AKAP1: variants seen among roughly 807,000 people sequenced by gnomAD.
AKAP1 encodes A-kinase anchor protein 1, mitochondrial.
In AKAP1, 32 loss-of-function variants were observed where a neutral mutation model predicts 79.8. The observed-to-expected ratio is 0.40, with a 90% CI of 0.30 to 0.54. The LOEUF is 0.54. Ranked by LOEUF, AKAP1 falls within the 20% of genes least tolerant of loss-of-function variation. The pLI, the probability that AKAP1 is intolerant of heterozygous loss-of-function variation, is 0.47. For missense variants in AKAP1, 961 were observed against 1,138.9 expected, an observed-to-expected ratio of 0.84 and a Z score of 2.25; for synonymous variants, 416 against 466.7, an observed-to-expected ratio of 0.89 and a Z score of 1.40.
chr17:57,114,649 C>CTG lies in AKAP1; in HGVS notation c.2281+14_2281+15dup, dbSNP rs1284263196. 6.2e-7 allele frequency: 1 copy of CTG among 1,609,768 alleles called. No individual in the cohort carries two copies. The highest frequency in any genetic ancestry group is 1.3e-5 in the African/African-American group (1 of 74,824). Reference sequence around the variant, plus strand: ...ACCCCAGTGGAAAGTAAGCAGTGCCCTGAGGGGTCGGGAAGGGGGACCCCT... The same window carrying CTG: ...ACCCCAGTGGAAAGTAAGCAGTGCCCTGTGAGGGGTCGGGAAGGGGGACCCCT... On this transcript the variant is annotated intron_variant, in intron 6 of 10. Transcript: ENST00000337714.
At chr17:57,112,947 C>T (rs953264251) in intron 5 of AKAP1, among the ~76,000 whole-genome samples, 1 of 151,956 alleles carries the variant, frequency 6.6e-6, no homozygotes, top group Non-Finnish European at 1.5e-5. Context: ...TTGGGTGTGT[C>T]CAGGGTCGCC....
chr17:57,085,876 A>G (rs1233843538), intron 1 of AKAP1: 1 of 159,812 alleles, frequency 6.3e-6, no homozygotes, highest in East Asian at 1.9e-4. Context: ...GGTCGTGTGT[A>G]CACAGTCTGA....
At chr17:57,118,669 C>T (rs566962130) in intron 9 of AKAP1, among the ~76,000 whole-genome samples, 25 of 152,324 alleles carry the variant, frequency 1.6e-4, no homozygotes, top group Non-Finnish European at 2.8e-4. Flanking sequence ...GTGTAATTGA[C>T]TCACAATTCT....
chr17:57,114,091 C>G (rs1294630439), intron 5 of AKAP1, among the ~76,000 whole-genome samples: 3 of 152,180 alleles, frequency 2.0e-5, no homozygotes, highest in African/African-American at 7.2e-5. Flanking sequence ...CTTATAGATT[C>G]ATCAACAGAA....
intron 1 of AKAP1, chr17:57,096,303 G>C (rs911071890): frequency 6.6e-6 from 1 of 152,248 alleles, no homozygotes; most frequent in African/African-American, 2.4e-5. Flanking sequence ...GGCCGTAGAA[G>C]GCTTTGCCAA....
intron 8 of AKAP1, among the ~76,000 whole-genome samples, chr17:57,117,409 T>C (rs138455024): frequency 1.5e-3 from 222 of 152,292 alleles, no homozygotes; most frequent in African/African-American, 5.1e-3. Flanking sequence ...AACATGGGAA[T>C]GGTACCTGTC....
chr17:57,106,956 G>A lies in AKAP1; in HGVS notation c.1492G>A (p.Val498Ile). The A allele has an allele frequency of 6.2e-7, 1 of 1,614,098 alleles. No homozygotes were observed. ...VTCMSDSSQS[V>I]PLVASPGHCS... ...CTGCATGTCAGACAGCAGCCAAAGT[G>A]TCCCTTTGGTGGCTTCTCCAGGACA... is the stretch of plus-strand genomic sequence containing the variant. The change falls in exon 2 of 11, where the codon GTC (valine) becomes ATC (isoleucine). Residue 498 changes from valine to isoleucine, a missense_variant. Transcript: ENST00000337714.
At chr17:57,090,888 G>A (rs1417653293) in intron 1 of AKAP1, among the ~76,000 whole-genome samples, 3 of 152,294 alleles carry the variant, frequency 2.0e-5, no homozygotes, top group African/African-American at 7.2e-5. Context: ...CTAATTTCCC[G>A]ACACCTGTCA....
chr17:57,120,147 C>A (rs1915842066), intron 10 of AKAP1, 103 bp from the exon 11 acceptor site: 4 of 970,264 alleles, frequency 4.1e-6, no homozygotes, highest in Middle Eastern at 2.3e-4. Flanking sequence ...TCTCATACAT[C>A]TGTTGCCTGC....
rs994238456 is a variant in AKAP1 at position 57,106,019 on chromosome 17, C to T, written c.555C>T (p.Val185=). 6.2e-7 allele frequency: 1 copy of T among 1,613,706 alleles called. No homozygotes were observed. ...PRKVQPGYPV[V]PAEKRSSGER... Reference sequence around the variant, plus strand: ...AGGTCCAGCCAGGCTACCCCGTAGTCCCCGCAGAGAAGCGTAGCTCTGGGG... The same window carrying T: ...AGGTCCAGCCAGGCTACCCCGTAGTTCCCGCAGAGAAGCGTAGCTCTGGGG... The change falls in exon 2 of 11, where the codon GTC becomes GTT. Residue 185 remains valine, a synonymous_variant. Transcript: ENST00000337714.
chr17:57,090,536 A>G (rs2144627946), intron 1 of AKAP1, among the ~76,000 whole-genome samples: 1 of 149,866 alleles, frequency 6.7e-6, no homozygotes, highest in East Asian at 2.0e-4. Context: ...CTGCCCCTTT[A>G]TCACCACATC....
rs1371896079 is a variant in AKAP1, at chr17:57,105,889, C to T, written c.425C>T (p.Ser142Leu). 5.6e-6 allele frequency: 9 copies of T among 1,614,234 alleles called. No individual in the cohort carries two copies. The highest frequency in any genetic ancestry group is 4.4e-5 in the South Asian group (4 of 91,088). The change falls in exon 2 of 11, where the codon TCG becomes TTG. Residue 142 changes from serine to leucine, a missense_variant. Physicochemically the swap from Ser to Leu is moderately radical, Grantham distance 145. This residue lies in a region of AKAP1 where 224 missense variants were observed against 210.2 expected (regional missense o/e 1.07). Coordinates refer to ENST00000337714, the MANE Select transcript of AKAP1 (RefSeq NM_003488.4). The stretch of plus-strand genomic sequence containing the variant: ...GCCCTGACAGGTGGTGAAGCCAAAT[C>T]GATTCCTCTAGAGTGCCCCCTTTCA... The part of the protein sequence containing the change: ...ELALTGGEAK[S>L]IPLECPLSSP...
intron 1 of AKAP1, among the ~76,000 whole-genome samples, chr17:57,091,905 C>T (rs1341063309): frequency 6.6e-6 from 1 of 152,002 alleles, no homozygotes; most frequent in East Asian, 1.9e-4. Context: ...TTGCCCAGAC[C>T]CATTTCAAGA....
At chr17:57,116,459 G>T (rs1915591519) in intron 7 of AKAP1, among the ~76,000 whole-genome samples, 198 bp downstream of exon 7, 1 of 152,174 alleles carries the variant, frequency 6.6e-6, no homozygotes, top group Non-Finnish European at 1.5e-5. Flanking sequence ...CCTGTATTGT[G>T]GAAGAATCCC....
At chr17:57,108,642 G>A (rs147069133) in intron 2 of AKAP1, among the ~76,000 whole-genome samples, 239 of 152,292 alleles carry the variant, frequency 1.6e-3, no homozygotes, top group Non-Finnish European at 2.1e-3. Context: ...ACGAGCATGC[G>A]GTGGGTGCCA....
At chr17:57,091,843 G>A (rs1340181810) in intron 1 of AKAP1, among the ~76,000 whole-genome samples, 1 of 151,930 alleles carries the variant, frequency 6.6e-6, no homozygotes. Context: ...TGCACATCAT[G>A]ATGCCTGGCT....
intron 3 of AKAP1, 106 bp from the exon 4 acceptor site, chr17:57,111,692 G>A: frequency 7.3e-7 from 1 of 1,371,282 alleles, no homozygotes; most frequent in Non-Finnish European, 1.0e-6. Flanking sequence ...CATGGTAACA[G>A]CTAATATGTT....
chr17:57,089,380 AT>A (rs1167184610), intron 1 of AKAP1, among the ~76,000 whole-genome samples: 2 of 152,160 alleles, frequency 1.3e-5, no homozygotes, highest in African/African-American at 2.4e-5. Flanking sequence ...ATTTGCCTAA[AT>A]TTGTCCTGGG....
rs1001148975 is a variant in AKAP1 at position 57,086,798 on chromosome 17, T to TG, written c.-25+1400_-25+1401insG. Among the ~76,000 whole-genome samples the TG allele has an allele frequency of 0.032, 283 of 8,934 alleles. 3 individuals are homozygous for TG. The highest frequency in any genetic ancestry group is 0.097 in the Non-Finnish European group (142 of 1,470). 5.9% of individuals were successfully genotyped at this position (8,934 alleles called of 152,430 possible). ...GCTAAGTCCTTCCCAAATTAGTACC[T>TG]TTTTTTTTTTTAACTCTTTATTTAG... On this transcript the variant is annotated intron_variant, in intron 1 of 10. Transcript: ENST00000337714. This position sits in a 1 kb window ranked among gnomAD's most constrained non-coding sequence, Gnocchi z 5.1.
Sources: gnomAD v4.1 joint callset for allele counts (sites outside exome capture counted in the v4.1 genomes callset) on GRCh38, gnomAD v4.1.1 for gene constraint, gnomAD v4.1.1 regional missense constraint, Gnocchi (gnomAD v3.1) non-coding constraint, MANE v1.5 for transcripts, NCBI Gene and HGNC (gene_info 2026-07-23, HGNC 2026-07-21) for gene names.